The following ZFHX4 variants were observed in gnomAD, a reference collection of about 807,000 sequenced individuals.
ZFHX4 encodes the protein zinc finger homeobox 4, also known as zinc finger homeobox protein 4.
Under a neutral mutation model 267.6 loss-of-function variants are expected in ZFHX4, and 56 were observed. The ratio of observed to expected loss-of-function variants is 0.21; its 90% CI spans 0.17 to 0.26. ZFHX4 has a LOEUF of 0.26. ZFHX4 is among the 10% of genes least tolerant of loss of function. The pLI, the probability that ZFHX4 is intolerant of heterozygous loss-of-function variation, is 1.00. For synonymous variants in ZFHX4, 1,778 were observed against 1,665.6 expected, an observed-to-expected ratio of 1.07 and a Z score of -1.64; for missense variants, 4,332 against 4,420.0, an observed-to-expected ratio of 0.98 and a Z score of 0.56.
chr8:76,731,665 T>C (rs1585890781), intron 3 of ZFHX4, among the ~76,000 whole-genome samples: 2 of 152,150 alleles, frequency 1.3e-5, no homozygotes, highest in Non-Finnish European at 2.9e-5. Flanking sequence ...AATAAGTCCA[T>C]TGTTTCACAC....
In ZFHX4 at chr8:76,863,560, G is replaced by T. The variant is rs575746098; in HGVS notation, c.9846G>T (p.Val3282=). 6.2e-7 allele frequency: 1 copy of T among 1,613,816 alleles called. No homozygotes were observed. The highest frequency in any genetic ancestry group is 8.5e-7 in the Non-Finnish European group (1 of 1,179,810). ...TTACACCTCAGCTCCCTGGAACAGT[G>T]CAGGGGGGATACTTCCCACCTGTCT... The part of the protein sequence containing the change: ...SYFTPQLPGT[V]QGGYFPPVCG... The change falls in exon 11 of 11, where the codon GTG becomes GTT. Residue 3282 remains valine (V), a synonymous_variant. Coordinates refer to ENST00000651372, the MANE Select transcript of ZFHX4 (RefSeq NM_024721.5).
intron 4 of ZFHX4, among the ~76,000 whole-genome samples, chr8:76,792,928 G>C (rs1042126218): frequency 1.3e-5 from 2 of 152,166 alleles, no homozygotes; most frequent in Non-Finnish European, 2.9e-5. Flanking sequence ...GTTGAGCACT[G>C]TTTAGGTGTC....
At chr8:76,735,182 T>C (rs1809126451) in intron 3 of ZFHX4, among the ~76,000 whole-genome samples, 1 of 152,148 alleles carries the variant, frequency 6.6e-6, no homozygotes, top group Non-Finnish European at 1.5e-5. Context: ...ATTATGCTGT[T>C]CTTATTGTAC....
chr8:76,805,511 T>A (rs1455064317), intron 4 of ZFHX4, among the ~76,000 whole-genome samples: 1 of 152,110 alleles, frequency 6.6e-6, no homozygotes. Flanking sequence ...TTTCTGGCTT[T>A]TTCTCTACAG....
intron 4 of ZFHX4, among the ~76,000 whole-genome samples, chr8:76,815,878 C>A (rs1811493776): frequency 6.6e-6 from 1 of 152,180 alleles, no homozygotes; most frequent in African/African-American, 2.4e-5. Context: ...AGGATTTCAA[C>A]ATATGAATTT....
intron 10 of ZFHX4, among the ~76,000 whole-genome samples, chr8:76,860,828 A>C (rs1219071735): frequency 1.3e-5 from 2 of 152,168 alleles, no homozygotes; most frequent in African/African-American, 4.8e-5. Context: ...AAGAAACCTA[A>C]AAAATTATTG....
At chr8:76,773,814 A>C (rs1409985853) in intron 3 of ZFHX4, among the ~76,000 whole-genome samples, 2 of 152,168 alleles carry the variant, frequency 1.3e-5, no homozygotes, top group Non-Finnish European at 2.9e-5. Flanking sequence ...TAGAAATGGC[A>C]TTGAGAACTT....
At chr8:76,827,907 C>A (rs1262420151) in intron 4 of ZFHX4, among the ~76,000 whole-genome samples, 1 of 152,144 alleles carries the variant, frequency 6.6e-6, no homozygotes, top group African/African-American at 2.4e-5. Flanking sequence ...CTGGAGCATC[C>A]AATGCACTTC....
At position 76,706,206 on chromosome 8, in the gene ZFHX4, C is replaced by T. The variant is rs1585866204; in HGVS notation, c.2118C>T (p.Tyr706=). The change falls in exon 2 of 11, where the codon TAC becomes TAT. Residue 706 remains tyrosine (Y), a synonymous_variant. Transcript: ENST00000651372. The part of the protein sequence containing the change: ...YKPFRCEVCN[Y]STTTKGNLSI... ...CCTTCCGTTGTGAGGTTTGTAACTACTCTACCACTACCAAAGGCAACCTCA... is the reference window on the plus strand; with the variant it reads ...CCTTCCGTTGTGAGGTTTGTAACTATTCTACCACTACCAAAGGCAACCTCA... The T allele has an allele frequency of 6.2e-7, 1 of 1,614,094 alleles. No individual in the cohort carries two copies. The highest frequency in any genetic ancestry group is 8.5e-7 in the Non-Finnish European group (1 of 1,180,026).
At position 76,851,122 on chromosome 8, in the gene ZFHX4, C is replaced by T. The variant is rs1287327108; in HGVS notation, c.4201C>T (p.His1401Tyr). The T allele has an allele frequency of 6.2e-7, 1 of 1,613,994 alleles. No individual in the cohort carries two copies. Among genetic ancestry groups the T allele is most frequent in the Non-Finnish European group, 8.5e-7 (1 of 1,179,872 alleles). ...DRHVYKYRCNHCSLAFKTMQK... is the reference protein window; with the variant it reads ...DRHVYKYRCNYCSLAFKTMQK... ...TCATGTCTACAAGTATCGCTGTAAC[C>T]ATTGTAGCTTGGCTTTCAAAACTAT... Residue 1401 changes from histidine (H) to tyrosine (Y), a missense_variant, in exon 10 of 11, where the codon CAT (histidine) becomes TAT (tyrosine). His to Tyr is a moderately conservative substitution (Grantham distance 83). This residue lies in a region of ZFHX4 where 1,371 missense variants were observed against 1,423.1 expected (regional missense o/e 0.96). Transcript: ENST00000651372.
At chr8:76,714,552 C>G (rs982358415) in intron 3 of ZFHX4, among the ~76,000 whole-genome samples, 1 of 152,110 alleles carries the variant, frequency 6.6e-6, no homozygotes, top group Non-Finnish European at 1.5e-5. Flanking sequence ...CACCAATAAC[C>G]GTGAGGAAAC....
chr8:76,709,007 G>T (rs1808352481), intron 3 of ZFHX4, among the ~76,000 whole-genome samples: 1 of 152,236 alleles, frequency 6.6e-6, no homozygotes, highest in East Asian at 1.9e-4. Context: ...CATTTTGCAA[G>T]TGTTGTCTAT....
chr8:76,838,361 G>A (rs1812146195), intron 5 of ZFHX4, among the ~76,000 whole-genome samples: 1 of 152,220 alleles, frequency 6.6e-6, no homozygotes, highest in Non-Finnish European at 1.5e-5. Flanking sequence ...CAAGCACTAA[G>A]TGTTATGTAG....
chr8:76,855,228 C>T lies in ZFHX4; in HGVS notation c.8307C>T (p.Ser2769=). 1 of 1,612,130 alleles carries T rather than the reference C, an allele frequency of 6.2e-7. No individual in the cohort carries two copies. Residue 2769 remains serine, a synonymous_variant, in exon 10 of 11, where the codon AGC becomes AGT. Transcript: ENST00000651372. ...AGCTGTCACCGAAGAATCTTTTAAG[C>T]CCTTCTTCTTTTAAAGCAGAGTGTT... is the stretch of plus-strand genomic sequence containing the variant. ...TAELSPKNLL[S]PSSFKAECSE...
At position 76,863,566 on chromosome 8, in the gene ZFHX4, G is replaced by A. The variant is rs891754687; in HGVS notation, c.9852G>A (p.Gly3284=). The change falls in exon 11 of 11, where the codon GGG becomes GGA. Residue 3284 remains glycine (G), a synonymous_variant. Transcript: ENST00000651372. ...FTPQLPGTVQ[G]GYFPPVCGME... ...CTCAGCTCCCTGGAACAGTGCAGGG[G>A]GGATACTTCCCACCTGTCTGTGGCA... 3.1e-6 allele frequency: 5 copies of A among 1,613,652 alleles called. No homozygotes were observed. The highest frequency in any genetic ancestry group is 4.2e-6 in the Non-Finnish European group (5 of 1,179,830).
At chr8:76,719,328 G>A (rs939179576) in intron 3 of ZFHX4, among the ~76,000 whole-genome samples, 1 of 151,912 alleles carries the variant, frequency 6.6e-6, no homozygotes, top group Admixed American at 6.6e-5. Flanking sequence ...CACAATGTAA[G>A]GGTTCTCAGT....
chr8:76,681,383 G>A lies in ZFHX4; in HGVS notation c.-284G>A. On this transcript the variant is annotated 5_prime_UTR_variant, in exon 1 of 11. Transcript: ENST00000651372. ...CCCAACCCCTTCACAACCAAACAGC[G>A]AGACCGCGGTCGGCACATGCTTTAA... 1 of 398,528 alleles carries A rather than the reference G, an allele frequency of 2.5e-6. No individual in the cohort carries two copies. The highest frequency in any genetic ancestry group is 4.4e-6 in the Non-Finnish European group (1 of 226,024). 24.7% of individuals were successfully genotyped at this position (398,528 alleles called of 1,614,324 possible).
At chr8:76,763,192 C>T (rs1310281639) in intron 3 of ZFHX4, among the ~76,000 whole-genome samples, 11 of 151,850 alleles carry the variant, frequency 7.2e-5, no homozygotes, top group Non-Finnish European at 1.5e-5. Context: ...CCAGTTGTCA[C>T]TCCACTCTAT....
At chr8:76,758,715 G>A (rs933593765) in intron 3 of ZFHX4, among the ~76,000 whole-genome samples, 38 of 152,152 alleles carry the variant, frequency 2.5e-4, no homozygotes, top group East Asian at 1.5e-3. Context: ...GGCTGGTCTC[G>A]AATCCAGGGT....
Sources: gnomAD v4.1 joint callset for allele counts (sites outside exome capture counted in the v4.1 genomes callset) on GRCh38, gnomAD v4.1.1 for gene constraint, gnomAD v4.1.1 regional missense constraint, MANE v1.5 for transcripts, NCBI Gene and HGNC (gene_info 2026-07-23, HGNC 2026-07-21) for gene names.